The following EP400 variants were observed in gnomAD, a reference collection of about 807,000 sequenced individuals.
EP400 encodes E1A-binding protein p400.
A neutral mutation model predicts 354.1 loss-of-function variants in EP400; 105 were observed. The ratio of observed to expected loss-of-function variants is 0.30; its 90% CI spans 0.25 to 0.35. The LOEUF (loss-of-function observed/expected upper bound fraction) is 0.35. EP400 is among the 10% of genes least tolerant of loss of function. EP400 has a pLI of 1.00. For missense variants in EP400, 3,280 were observed against 4,121.0 expected (o/e 0.80, Z 5.59); for synonymous variants, 1,646 against 1,716.9 (o/e 0.96, Z 1.02).
intron 1 of EP400, among the ~76,000 whole-genome samples, chr12:131,956,246 G>A (rs1566158215): frequency 6.6e-6 from 1 of 152,144 alleles, no homozygotes. Context: ...TGTGTCTGTT[G>A]TATGGCTGTA....
chr12:131,950,483 C>T (rs1406554667), intron 1 of EP400, among the ~76,000 whole-genome samples: 4 of 152,162 alleles, frequency 2.6e-5, no homozygotes, highest in African/African-American at 9.6e-5. Context: ...GATGGGACGT[C>T]CAGAACCACT....
chr12:131,987,798 A>G lies in EP400; in HGVS notation c.2317A>G (p.Lys773Glu), dbSNP rs1892902076. Reference sequence around the variant, plus strand: ...AAAGCTGCAGGAGGCCCCACGCCCCAAGTCCCACTGGGACTATCTGCTGGA... The same window carrying G: ...AAAGCTGCAGGAGGCCCCACGCCCCGAGTCCCACTGGGACTATCTGCTGGA... Reference protein sequence around the residue: ...LPKLQEAPRPKSHWDYLLEEM... With the variant: ...LPKLQEAPRPESHWDYLLEEM... Residue 773 changes from lysine (K) to glutamate (E), a missense_variant, in exon 7 of 53, where the codon AAG becomes GAG. Coordinates refer to ENST00000389561, the MANE Select transcript of EP400 (RefSeq NM_015409.5). 1 of 1,613,260 alleles carries G rather than the reference A, an allele frequency of 6.2e-7. No homozygotes were observed. Among genetic ancestry groups the G allele is most frequent in the Non-Finnish European group, 8.5e-7 (1 of 1,179,940 alleles).
Position 132,079,403 on chromosome 12 carries a change from C to T in EP400, c.*1730C>T, listed in dbSNP as rs549118857. On this transcript the variant is annotated 3_prime_UTR_variant, in exon 53 of 53. Coordinates refer to ENST00000389561, the MANE Select transcript of EP400 (RefSeq NM_015409.5). ...GAGCGCAGCTTGCCGGAGGGAGGGC[C>T]GCTGTGTGCGCCTCACATCTGGCTC... 1.3e-5 allele frequency: 2 copies of T among 152,408 alleles called. No homozygotes were observed. The highest frequency in any genetic ancestry group is 4.8e-5 in the African/African-American group (2 of 41,594). The allele number at this position is 152,408 out of a possible 1,614,324, so 9.4% of individuals were successfully genotyped here. A position where few individuals can be genotyped will look rare whatever the true frequency, so the allele number is the denominator to read the frequency against.
Position 132,013,268 on chromosome 12 carries a change from C to CA in EP400, c.3611+92dup. ...AAATCTGCATAATTGCAGACACAAA[C>CA]AATGGCCTTTGAGCTAGAGAATTGC... On this transcript the variant is annotated intron_variant, in intron 17 of 52. Transcript: ENST00000389561. This position sits in a 1 kb window ranked among gnomAD's most constrained non-coding sequence, Gnocchi z 4.5. 2.0e-6 allele frequency: 3 copies of CA among 1,484,176 alleles called. No individual in the cohort carries two copies. The highest frequency in any genetic ancestry group is 2.7e-6 in the Non-Finnish European group (3 of 1,108,830). 91.9% of individuals were successfully genotyped at this position (1,484,176 alleles called of 1,614,324 possible). A position where few individuals can be genotyped will look rare whatever the true frequency, so the allele number is the denominator to read the frequency against.
At position 132,064,819 on chromosome 12, in the gene EP400, T is replaced by C; in HGVS notation, c.8486T>C (p.Val2829Ala). The C allele has an allele frequency of 1.9e-6, 3 of 1,612,568 alleles. No homozygotes were observed. The highest frequency in any genetic ancestry group is 2.5e-6 in the Non-Finnish European group (3 of 1,179,766). Residue 2829 changes from valine to alanine, a missense_variant, in exon 48 of 53, where the codon GTC becomes GCC. Physicochemically the swap from Val to Ala is moderately conservative, Grantham distance 64. This residue lies in a region of EP400 where 86 missense variants were observed against 66.4 expected (regional missense o/e 1.29). Coordinates refer to ENST00000389561, the MANE Select transcript of EP400 (RefSeq NM_015409.5). ...PQQQSPQLTT[V>A]TAPRPGALLT... Reference sequence around the variant, plus strand: ...CAGCAGAGCCCCCAGCTCACGACGGTCACGGCCCCAAGGCCTGGTGCCCTG... The same window carrying C: ...CAGCAGAGCCCCCAGCTCACGACGGCCACGGCCCCAAGGCCTGGTGCCCTG...
At position 132,005,173 on chromosome 12, in the gene EP400, G is replaced by C. The variant is rs142010344; in HGVS notation, c.2924G>C (p.Ser975Thr). The C allele has an allele frequency of 1.0e-5, 16 of 1,575,212 alleles. No individual in the cohort carries two copies. The African/African-American group carries it at 2.1e-4, about 21-fold the overall frequency. ...PRPKPDGEDT[S>T]GEEDADDCPG... The stretch of plus-strand genomic sequence containing the variant: ...CCGAAGCCTGATGGGGAGGACACAA[G>C]CGGAGAGGAAGGTGCGCTCCCAGCC... Residue 975 changes from serine (S) to threonine (T), a missense_variant, in exon 13 of 53, where the codon AGC (serine) becomes ACC (threonine). By Grantham distance (58) the Ser-to-Thr change is moderately conservative (BLOSUM62 1). Transcript: ENST00000389561.
chr12:132,002,754 C>T (rs1400553929), intron 12 of EP400, among the ~76,000 whole-genome samples: 1 of 152,200 alleles, frequency 6.6e-6, no homozygotes, highest in Non-Finnish European at 1.5e-5. Flanking sequence ...GGTGGTCACA[C>T]CGGTCAGGCC....
Position 132,076,536 on chromosome 12 carries a change from T to C in EP400, c.9042T>C (p.Val3014=). Reference sequence around the variant, plus strand: ...CAAAGGTTGCAAAACTTCCTCAAGTTGTTCAACAGCAAACACCCGTGGCCA... The same window carrying C: ...CAAAGGTTGCAAAACTTCCTCAAGTCGTTCAACAGCAAACACCCGTGGCCA... ...TQIQVAKLPQ[V]VQQQTPVASI... is the part of the protein sequence containing the mutation. Residue 3014 remains valine, a synonymous_variant, in exon 52 of 53, where the codon GTT becomes GTC. Transcript: ENST00000389561. 3 of 1,614,174 alleles carry C rather than the reference T, an allele frequency of 1.9e-6. No homozygotes were observed. Among genetic ancestry groups the C allele is most frequent in the Non-Finnish European group, 2.5e-6 (3 of 1,179,996 alleles).
intron 5 of EP400, 72 bp from the exon 6 acceptor site, chr12:131,986,442 C>T: frequency 6.8e-7 from 1 of 1,480,522 alleles, no homozygotes; most frequent in South Asian, 1.3e-5. Flanking sequence ...TGTGGGCGCT[C>T]AGGTATTTGG....
chr12:132,024,339 C>T (rs1265760202), intron 24 of EP400, among the ~76,000 whole-genome samples: 11 of 152,172 alleles, frequency 7.2e-5, no homozygotes, highest in Non-Finnish European at 1.2e-4. Flanking sequence ...TGTCACTGCA[C>T]TCCAGCCTGG....
At position 132,025,625 on chromosome 12, in the gene EP400, C is replaced by A. The variant is rs1208283830; in HGVS notation, c.4856-21C>A. The A allele has an allele frequency of 1.9e-6, 3 of 1,581,082 alleles. No individual in the cohort carries two copies. The Admixed American group carries it at 5.5e-5, about 29-fold the overall frequency. Reference sequence around the variant, plus strand: ...ATGTACACATGCCTGTCATTGACACCTAGTGGACCTATGATTGCAGGCAGC... The same window carrying A: ...ATGTACACATGCCTGTCATTGACACATAGTGGACCTATGATTGCAGGCAGC... On this transcript the variant is annotated intron_variant, in intron 24 of 52. Coordinates refer to ENST00000389561, the MANE Select transcript of EP400 (RefSeq NM_015409.5). This position sits in a 1 kb window ranked among gnomAD's most constrained non-coding sequence, Gnocchi z 4.1.
chr12:131,957,579 CTTTATTTA>C (rs145207337), intron 1 of EP400, among the ~76,000 whole-genome samples: 20 of 140,504 alleles, frequency 1.4e-4, no homozygotes, highest in Non-Finnish European at 2.3e-4. Context: ...TATAAAAATG[CTTTATTTA>C]TTTATTTATT....
intron 43 of EP400, among the ~76,000 whole-genome samples, chr12:132,053,881 G>A (rs1266582530): frequency 2.0e-5 from 3 of 152,106 alleles, no homozygotes; most frequent in African/African-American, 7.2e-5. Flanking sequence ...AGGTGGTTGG[G>A]AAGTTTGTAA....
At position 131,991,387 on chromosome 12, in the gene EP400, T is replaced by C; in HGVS notation, c.2630-20T>C. The C allele has an allele frequency of 3.1e-6, 5 of 1,613,752 alleles. No individual in the cohort carries two copies. The highest frequency in any genetic ancestry group is 1.7e-4 in the Middle Eastern group (1 of 6,056). ...AGCATGGGGGGCCTTGGGAACGAAC[T>C]GTGCTCCTTGTCTCTCTAGGGAAAG... On this transcript the variant is annotated intron_variant, in intron 9 of 52. Transcript: ENST00000389561.
intron 19 of EP400, among the ~76,000 whole-genome samples, chr12:132,014,771 C>T (rs1419576238): frequency 1.3e-5 from 2 of 152,192 alleles, no homozygotes; most frequent in African/African-American, 2.4e-5. Flanking sequence ...TGATGTGCTC[C>T]CCTCCTTGTG....
At position 132,018,632 on chromosome 12, in the gene EP400, G is replaced by A. The variant is rs1030258154; in HGVS notation, c.4277+256G>A. ...TTGCAGCAGTTTTAGGGTAGGGTGG[G>A]TGTCAGGGCTGCATTTGACCTGGTG... On this transcript the variant is annotated intron_variant, in intron 21 of 52. Transcript: ENST00000389561. The surrounding 1 kb of genome is among the most constrained non-coding windows in gnomAD (Gnocchi z 4.0). Among the ~76,000 whole-genome samples, 4 of 152,190 alleles carry A rather than the reference G, an allele frequency of 2.6e-5. No homozygotes were observed. The highest frequency in any genetic ancestry group is 9.7e-5 in the African/African-American group (4 of 41,448).
At chr12:132,005,676 G>A (rs1350407233) in intron 13 of EP400, among the ~76,000 whole-genome samples, 1 of 151,974 alleles carries the variant, frequency 6.6e-6, no homozygotes, top group Non-Finnish European at 1.5e-5. Context: ...CAGACCCCAC[G>A]CTGCCAGCAG....
rs752609744 is a variant in EP400 at position 132,018,188 on chromosome 12, C to CT, written c.4111-15dup. Reference sequence around the variant, plus strand: ...TTTTTTGCCTCTTCATGCAGCAAGACTTTTTTTCTTTTTCTCTCTAGGAAG... The same window carrying CT: ...TTTTTTGCCTCTTCATGCAGCAAGACTTTTTTTTCTTTTTCTCTCTAGGAAG... On this transcript the variant is annotated intron_variant, in intron 20 of 52. Coordinates refer to ENST00000389561, the MANE Select transcript of EP400 (RefSeq NM_015409.5). This position sits in a 1 kb window ranked among gnomAD's most constrained non-coding sequence, Gnocchi z 4.0. The CT allele has an allele frequency of 3.7e-6, 6 of 1,605,152 alleles. No individual in the cohort carries two copies. The highest frequency in any genetic ancestry group is 1.8e-5 in the Admixed American group (1 of 56,988).
At chr12:131,970,003 G>A (rs1201673322) in intron 2 of EP400, among the ~76,000 whole-genome samples, 1 of 152,150 alleles carries the variant, frequency 6.6e-6, no homozygotes, top group Non-Finnish European at 1.5e-5. Context: ...GAGCCAAGAT[G>A]GTGCCACTGC....
Sources: allele counts gnomAD v4.1 joint callset (sites outside exome capture counted in the v4.1 genomes callset), GRCh38; gene constraint gnomAD v4.1.1; regional missense constraint gnomAD v4.1.1; non-coding constraint Gnocchi (gnomAD v3.1); transcripts MANE v1.5; gene names NCBI Gene and HGNC (gene_info 2026-07-23, HGNC 2026-07-21).